The following PGM2 variants were observed in gnomAD, a reference collection of about 807,000 sequenced individuals.
PGM2 encodes the protein phosphoglucomutase 2, also known as phosphopentomutase.
A neutral mutation model predicts 74.6 loss-of-function variants in PGM2; 57 were observed. That is an observed-to-expected ratio of 0.76 (90% CI 0.62 to 0.95). The LOEUF (loss-of-function observed/expected upper bound fraction) is 0.95. Ranked by LOEUF, PGM2 falls within the 40% of genes least tolerant of loss-of-function variation. The pLI is 0.00. For missense variants in PGM2, 706 were observed against 741.9 expected, an observed-to-expected ratio of 0.95 and a Z score of 0.56; for synonymous variants, 273 against 260.7, an observed-to-expected ratio of 1.05 and a Z score of -0.46.
chr4:37,847,732 A>G (rs1725915284), intron 10 of PGM2, among the ~76,000 whole-genome samples: 1 of 148,838 alleles, frequency 6.7e-6, no homozygotes, highest in African/African-American at 2.6e-5. Context: ...TCAGAATGAT[A>G]CTCACCCAAA....
Position 37,844,523 on chromosome 4 carries a change from C to T in PGM2, c.879C>T (p.Tyr293=), listed in dbSNP as rs754178897. The part of the protein sequence containing the change: ...DPDPEFPTVK[Y]PNPEEGKGVL... ...ATCCTGAGTTTCCAACAGTGAAATA[C>T]CCGAATCCCGAAGAGGGGAAAGGTG... Residue 293 remains tyrosine (Y), a synonymous_variant, in exon 7 of 14, where the codon TAC becomes TAT. Coordinates refer to ENST00000381967, the MANE Select transcript of PGM2 (RefSeq NM_018290.4). The T allele has an allele frequency of 2.5e-6, 4 of 1,612,854 alleles. No individual in the cohort carries two copies. The highest frequency in any genetic ancestry group is 1.7e-5 in the Admixed American group (1 of 59,866).
chr4:37,856,450 C>T (rs900266926), intron 13 of PGM2, among the ~76,000 whole-genome samples: 5 of 152,052 alleles, frequency 3.3e-5, no homozygotes, highest in Non-Finnish European at 4.4e-5. Context: ...TCTTTGAGTA[C>T]CCATTGTAGA....
rs75984936 is a variant in PGM2, at chr4:37,828,674, A to G, written c.82-1290A>G. On this transcript the variant is annotated intron_variant, in intron 1 of 13. Coordinates refer to ENST00000381967, the MANE Select transcript of PGM2 (RefSeq NM_018290.4). ...TTTCTCTCAGGCTACTTAGTCTTTC[A>G]TAGATATCAAAGACCAATTAAGATT... is the stretch of plus-strand genomic sequence containing the variant. Among the ~76,000 whole-genome samples the G allele has an allele frequency of 2.0e-3, 301 of 152,286 alleles. 2 individuals carry two copies. The highest frequency in any genetic ancestry group is 6.9e-3 in the African/African-American group (287 of 41,546).
chr4:37,859,618 A>AT (rs1235965633), intron 13 of PGM2, among the ~76,000 whole-genome samples: 6 of 152,166 alleles, frequency 3.9e-5, no homozygotes, highest in African/African-American at 1.4e-4. Flanking sequence ...CACCTACAGG[A>AT]TACCTTCACA....
At position 37,846,933 on chromosome 4, in the gene PGM2, G is replaced by C. The variant is rs1274257269; in HGVS notation, c.1010G>C (p.Gly337Ala). Residue 337 changes from glycine (G) to alanine (A), a missense_variant and splice_region_variant, in exon 9 of 14, where the codon GGT (glycine) becomes GCT (alanine). Physicochemically the swap from Gly to Ala is moderately conservative, Grantham distance 60. This residue lies in a region of PGM2 where 359 missense variants were observed against 371.1 expected (regional missense o/e 0.97). Transcript: ENST00000381967. ...TTGTTGTTTTTTTTTTCTTTCAGTG[G>C]TGAATGGAGGGTGTTTTCAGGCAAT... is the stretch of plus-strand genomic sequence containing the variant. The part of the protein sequence containing the change: ...RLAVAEKQDS[G>A]EWRVFSGNEL... The C allele has an allele frequency of 6.2e-7, 1 of 1,600,172 alleles. No individual in the cohort carries two copies. The highest frequency in any genetic ancestry group is 8.5e-7 in the Non-Finnish European group (1 of 1,175,206).
At chr4:37,847,542 A>C (rs768444394) in intron 10 of PGM2, 7 of 438,038 alleles carry the variant, frequency 1.6e-5, no homozygotes, top group Non-Finnish European at 2.1e-5. Flanking sequence ...GTGACATTGT[A>C]TGCTTGGCTG....
Position 37,844,412 on chromosome 4 carries a change from TG to T in PGM2, c.772del (p.Val258TrpfsTer34). The T allele has an allele frequency of 2.5e-6, 4 of 1,613,768 alleles. No individual in the cohort carries two copies. Among genetic ancestry groups the T allele is most frequent in the Non-Finnish European group, 3.4e-6 (4 of 1,179,700 alleles). On this transcript the variant is annotated frameshift_variant, in exon 7 of 14. Coordinates refer to ENST00000381967, the MANE Select transcript of PGM2 (RefSeq NM_018290.4). LOFTEE classifies it high-confidence loss of function. ...KVKFVHTSVH[G>X]VGHSFVQSAF... is the part of the protein sequence containing the mutation. ...TGAAGTTTGTGCACACCTCTGTCCA[TG>T]GGGTGGGTCATAGCTTTGTGCAGTC... is the stretch of plus-strand genomic sequence containing the variant.
intron 12 of PGM2, among the ~76,000 whole-genome samples, chr4:37,851,970 C>CTTTTTTTTTTTT (rs1553886914): frequency 3.7e-5 from 5 of 135,000 alleles, no homozygotes; most frequent in South Asian, 2.3e-4. Flanking sequence ...TGTTTGTTTT[C>CTTTTTTTTTTTT]TTTTTTTTTG....
chr4:37,848,575 A>G lies in PGM2; in HGVS notation c.1336A>G (p.Ile446Val), dbSNP rs770225384. The G allele has an allele frequency of 1.9e-5, 30 of 1,613,706 alleles. No homozygotes were observed. Among genetic ancestry groups the G allele is most frequent in the African/African-American group, 2.7e-5 (2 of 74,950 alleles). The change falls in exon 11 of 14, where the codon ATA becomes GTA. Residue 446 changes from isoleucine (I) to valine (V), a missense_variant. Physicochemically the swap from Ile to Val is conservative, Grantham distance 29. This residue lies in a region of PGM2 where 359 missense variants were observed against 371.1 expected (regional missense o/e 0.97). Coordinates refer to ENST00000381967, the MANE Select transcript of PGM2 (RefSeq NM_018290.4). Reference protein sequence around the residue: ...LDKDGVSAAVISAELASFLAT... With the variant: ...LDKDGVSAAVVSAELASFLAT... Reference sequence around the variant, plus strand: ...CAAAGATGGAGTCAGTGCCGCTGTCATAAGTGCAGAGTTGGCTAGCTTCCT... The same window carrying G: ...CAAAGATGGAGTCAGTGCCGCTGTCGTAAGTGCAGAGTTGGCTAGCTTCCT...
intron 6 of PGM2, among the ~76,000 whole-genome samples, chr4:37,841,100 A>ATATATATATATATGTATG (rs1202149456): frequency 8.6e-6 from 1 of 115,786 alleles, no homozygotes. Flanking sequence ...ATATATATAT[A>ATATATATATATATGTATG]TGTGTGTGTG....
intron 1 of PGM2, among the ~76,000 whole-genome samples, chr4:37,828,061 A>G (rs1281498148): frequency 6.6e-6 from 1 of 152,186 alleles, no homozygotes; most frequent in Non-Finnish European, 1.5e-5. Context: ...TTTATTTACC[A>G]TTCTCTGGCC....
At chr4:37,848,479 AC>A in intron 10 of PGM2, 42 bp from the exon 11 acceptor site, 1 of 1,563,782 alleles carries the variant, frequency 6.4e-7, no homozygotes, top group Non-Finnish European at 8.7e-7. Flanking sequence ...ATGTGGTTTG[AC>A]ACAGTATTGT....
intron 3 of PGM2, among the ~76,000 whole-genome samples, chr4:37,835,822 T>G (rs1452427947): frequency 1.3e-5 from 2 of 152,198 alleles, no homozygotes; most frequent in Non-Finnish European, 2.9e-5. Flanking sequence ...AGATTTTTAG[T>G]CTTTAGCTTT....
intron 13 of PGM2, 36 bp from the exon 14 acceptor site, chr4:37,861,474 C>T (rs1169331598): frequency 7.2e-7 from 1 of 1,389,372 alleles, no homozygotes; most frequent in African/African-American, 1.4e-5. Context: ...TTGGAATAAT[C>T]CCTTGACCTG....
intron 10 of PGM2, 109 bp from the exon 11 acceptor site, chr4:37,848,413 G>A: frequency 2.3e-6 from 2 of 888,234 alleles, no homozygotes; most frequent in Admixed American, 5.0e-5. Flanking sequence ...TGAGAAATGT[G>A]CATACACGCA....
chr4:37,846,393 A>T (rs1381240951), intron 8 of PGM2, among the ~76,000 whole-genome samples: 1 of 152,152 alleles, frequency 6.6e-6, no homozygotes. Context: ...TTAAGCTAAG[A>T]TGATACGTCC....
In PGM2 at chr4:37,831,192, C is replaced by CAAA. The variant is rs11432971; in HGVS notation, c.249+1080_249+1082dup. Among the ~76,000 whole-genome samples the CAAA allele has an allele frequency of 9.2e-4, 68 of 74,026 alleles. 10 individuals carry two copies. The Middle Eastern group carries it at 0.027, about 30-fold the overall frequency. The allele number at this position is 74,026 out of a possible 152,430, so 48.6% of individuals were successfully genotyped here. On this transcript the variant is annotated intron_variant, in intron 2 of 13. Coordinates refer to ENST00000381967, the MANE Select transcript of PGM2 (RefSeq NM_018290.4). Reference sequence around the variant, plus strand: ...TGGGCAACAGAGCAAGACTCTGTCTCAAAAAAAAAAAAAAAAAAAAAGAAT... The same window carrying CAAA: ...TGGGCAACAGAGCAAGACTCTGTCTCAAAAAAAAAAAAAAAAAAAAAAAAGAAT...
chr4:37,843,609 TA>T (rs1009154836), intron 6 of PGM2, among the ~76,000 whole-genome samples: 9 of 147,630 alleles, frequency 6.1e-5, no homozygotes, highest in East Asian at 2.0e-4. Flanking sequence ...TTATTATTAT[TA>T]TTTTTTTTTT....
intron 10 of PGM2, chr4:37,847,627 ATT>A: frequency 3.4e-6 from 1 of 297,758 alleles, no homozygotes. Context: ...ACACTGTGGT[ATT>A]TAATGTCCCT....
Sources: gnomAD v4.1 joint callset for allele counts (sites outside exome capture counted in the v4.1 genomes callset) on GRCh38, gnomAD v4.1.1 for gene constraint, gnomAD v4.1.1 regional missense constraint, MANE v1.5 for transcripts, NCBI Gene and HGNC (gene_info 2026-07-23, HGNC 2026-07-21) for gene names.